Variants in MACROD2 observed in about 807,000 individuals in gnomAD.
MACROD2 encodes mono-ADP ribosylhydrolase 2.
In MACROD2, 36 loss-of-function variants were observed where a neutral mutation model predicts 70.4. The ratio of observed to expected loss-of-function variants is 0.51; its 90% CI spans 0.39 to 0.68. The LOEUF (loss-of-function observed/expected upper bound fraction) is 0.68. Among genes scored for constraint, MACROD2 ranks in the 30% least tolerant of loss-of-function variants. The probability of loss-of-function intolerance (pLI) is 0.00; values close to 1 mark genes in which losing one functional copy is unlikely to be tolerated. For missense variants in MACROD2, 496 were observed against 538.4 expected (o/e 0.92, Z 0.78); for synonymous variants, 172 against 178.8 (o/e 0.96, Z 0.30).
At chr20:15,337,918 T>C (rs1487371888) in intron 6 of MACROD2, among the ~76,000 whole-genome samples, 1 of 151,800 alleles carries the variant, frequency 6.6e-6, no homozygotes, top group Non-Finnish European at 1.5e-5. Context: ...TGAATCATGT[T>C]AGTAAAGGAC....
intron 8 of MACROD2, among the ~76,000 whole-genome samples, chr20:15,800,979 G>A (rs1469389959): frequency 1.3e-5 from 2 of 151,110 alleles, no homozygotes; most frequent in Non-Finnish European, 2.9e-5. Context: ...TTAAACAGAT[G>A]CTTGAAGGCA....
chr20:14,868,724 C>T (rs1353166154), intron 5 of MACROD2, among the ~76,000 whole-genome samples: 3 of 152,102 alleles, frequency 2.0e-5, no homozygotes, highest in Non-Finnish European at 4.4e-5. Flanking sequence ...CAACATATTA[C>T]AGATCACATT....
chr20:15,967,606 G>A lies in MACROD2; in HGVS notation c.961G>A (p.Val321Met), dbSNP rs1462177900. The change falls in exon 13 of 18, where the codon GTG becomes ATG. Residue 321 changes from valine to methionine, a missense_variant. Physicochemically the swap from Val to Met is conservative, Grantham distance 21. Coordinates refer to ENST00000684519, the MANE Select transcript of MACROD2 (RefSeq NM_001351661.2). ...AGGCGGTGAAGTGACAGATCATTCTGTGCGTGACCAAGATCATCCCGATGG... is the reference window on the plus strand; with the variant it reads ...AGGCGGTGAAGTGACAGATCATTCTATGCGTGACCAAGATCATCCCGATGG... ...TKGGEVTDHS[V>M]RDQDHPDGQE... 6.2e-7 allele frequency: 1 copy of A among 1,605,536 alleles called. No homozygotes were observed. Among genetic ancestry groups the A allele is most frequent in the Non-Finnish European group, 8.5e-7 (1 of 1,176,764 alleles).
intron 12 of MACROD2, among the ~76,000 whole-genome samples, chr20:15,966,973 A>G (rs954311449): frequency 1.3e-5 from 2 of 152,194 alleles, no homozygotes; most frequent in African/African-American, 4.8e-5. Context: ...CCTATAACAA[A>G]AAAAGATAAG....
chr20:14,516,017 AAATAT>A (rs917239942), intron 4 of MACROD2, among the ~76,000 whole-genome samples: 1 of 147,542 alleles, frequency 6.8e-6, no homozygotes, highest in African/African-American at 2.5e-5. Flanking sequence ...ACTTTATATA[AAATAT>A]AATATACTTT....
At chr20:15,232,926 A>T (rs549650138) in intron 6 of MACROD2, among the ~76,000 whole-genome samples, 154 of 152,204 alleles carry the variant, frequency 1.0e-3, no homozygotes, top group Middle Eastern at 6.8e-3. Context: ...GTAGTATGAT[A>T]ATTTATTTAA....
intron 4 of MACROD2, among the ~76,000 whole-genome samples, chr20:14,608,732 T>TTA (rs1242355132): frequency 2.6e-5 from 4 of 152,042 alleles, no homozygotes; most frequent in Non-Finnish European, 5.9e-5. Context: ...AGTATTTGGA[T>TTA]TATATAACTT....
At chr20:14,455,848 CTTTT>C (rs2084295862) in intron 3 of MACROD2, among the ~76,000 whole-genome samples, 2 of 151,542 alleles carry the variant, frequency 1.3e-5, no homozygotes, top group South Asian at 4.2e-4. Context: ...TCTAGCTGTA[CTTTT>C]TTGTTTTTAA....
rs369851422 is a variant in MACROD2, at chr20:14,447,603, G to T, written c.272-45876G>T. Among the ~76,000 whole-genome samples the T allele has an allele frequency of 8.6e-5, 13 of 152,046 alleles. No homozygotes were observed. The East Asian group carries it at 2.3e-3, about 27-fold the overall frequency. ...TCTCCCCCAGACTTGGGAGAGTACA[G>T]CTAGCTCATGTCTGATGTCCACCTG... On this transcript the variant is annotated intron_variant, in intron 3 of 17. Coordinates refer to ENST00000684519, the MANE Select transcript of MACROD2 (RefSeq NM_001351661.2).
At chr20:15,006,675 A>G (rs1015448970) in intron 5 of MACROD2, among the ~76,000 whole-genome samples, 1 of 152,176 alleles carries the variant, frequency 6.6e-6, no homozygotes, top group South Asian at 2.1e-4. Flanking sequence ...ACAAAGCAAA[A>G]CAAAACTGTA....
At chr20:15,737,824 T>C (rs914707848) in intron 8 of MACROD2, among the ~76,000 whole-genome samples, 29 of 151,972 alleles carry the variant, frequency 1.9e-4, no homozygotes, top group Middle Eastern at 6.8e-3. Flanking sequence ...AATAGACATA[T>C]GTAATGGACT....
At chr20:15,433,325 C>T (rs935355536) in intron 7 of MACROD2, among the ~76,000 whole-genome samples, 13 of 151,742 alleles carry the variant, frequency 8.6e-5, no homozygotes, top group Non-Finnish European at 1.6e-4. Context: ...ACAAAAAGCT[C>T]CTCAATCTGA....
At chr20:15,605,453 CGTGTGTGTGTGTGTGT>C (rs57584580) in intron 8 of MACROD2, among the ~76,000 whole-genome samples, 1 of 141,692 alleles carries the variant, frequency 7.1e-6, no homozygotes, top group Non-Finnish European at 1.5e-5. Flanking sequence ...AGGATGTAAG[CGTGTGTGTGTGTGTGT>C]GTGTGTGTGT....
intron 5 of MACROD2, among the ~76,000 whole-genome samples, chr20:14,807,835 G>A (rs948246970): frequency 3.9e-5 from 6 of 151,944 alleles, no homozygotes; most frequent in African/African-American, 1.5e-4. Context: ...GCAGAAGAAA[G>A]GATATCAGAG....
At chr20:15,932,194 C>G (rs2065590113) in intron 10 of MACROD2, among the ~76,000 whole-genome samples, 1 of 152,134 alleles carries the variant, frequency 6.6e-6, no homozygotes, top group African/African-American at 2.4e-5. Flanking sequence ...TTCATGCTCC[C>G]CACACATCTT....
At chr20:15,938,520 G>T (rs141235681) in intron 12 of MACROD2, among the ~76,000 whole-genome samples, 6 of 152,188 alleles carry the variant, frequency 3.9e-5, no homozygotes, top group African/African-American at 1.4e-4. Context: ...TATGTACTGT[G>T]CCCATATAAG....
At chr20:15,746,871 C>T (rs1044134999) in intron 8 of MACROD2, among the ~76,000 whole-genome samples, 14 of 152,026 alleles carry the variant, frequency 9.2e-5, no homozygotes, top group African/African-American at 3.4e-4. Context: ...ATGAAAGTAA[C>T]AGTCAAGATT....
In MACROD2 at chr20:14,991,814, C is replaced by T. The variant is rs566535977; in HGVS notation, c.419-238126C>T. 4.9e-4 allele frequency among the ~76,000 whole-genome samples: 75 copies of T among 152,216 alleles called. 1 individual carries two copies. Among genetic ancestry groups the T allele is most frequent in the African/African-American group, 1.4e-3 (59 of 41,532 alleles). On this transcript the variant is annotated intron_variant, in intron 5 of 17. Coordinates refer to ENST00000684519, the MANE Select transcript of MACROD2 (RefSeq NM_001351661.2). ...TTGGATTCAGTTATCTAATTTGCAC[C>T]GCCTTAATTAATGCTCCAGGTCTAC...
At position 14,586,942 on chromosome 20, in the gene MACROD2, A is replaced by T. The variant is rs546319674; in HGVS notation, c.301+93434A>T. On this transcript the variant is annotated intron_variant, in intron 4 of 17. Transcript: ENST00000684519. The stretch of plus-strand genomic sequence containing the variant: ...AATTTCCAGGATTTTGACATAATAT[A>T]TTTTTTTTCAGATAAACGTAGAAAT... 2.4e-4 allele frequency among the ~76,000 whole-genome samples: 36 copies of T among 151,652 alleles called. No individual in the cohort carries two copies. The South Asian group carries it at 4.4e-3, about 18-fold the overall frequency.
Sources: allele counts gnomAD v4.1 joint callset (sites outside exome capture counted in the v4.1 genomes callset), GRCh38; gene constraint gnomAD v4.1.1; transcripts MANE v1.5; gene names NCBI Gene and HGNC (gene_info 2026-07-23, HGNC 2026-07-21).